Variants in IGF2R observed in about 807,000 individuals in gnomAD.
IGF2R encodes the protein insulin like growth factor 2 receptor, also known as cation-independent mannose-6-phosphate receptor.
A neutral mutation model predicts 270.6 loss-of-function variants in IGF2R; 91 were observed. That is an observed-to-expected ratio of 0.34 (90% CI 0.28 to 0.40). The LOEUF is 0.40. Among genes scored for constraint, IGF2R ranks in the 10% least tolerant of loss-of-function variants. The pLI is 1.00. For synonymous variants in IGF2R, 1,316 were observed against 1,258.9 expected, an observed-to-expected ratio of 1.05 and a Z score of -0.96; for missense variants, 2,805 against 3,188.3, an observed-to-expected ratio of 0.88 and a Z score of 2.90.
chr6:160,069,740 G>T, intron 30 of IGF2R, 128 bp from the exon 31 acceptor site: 1 of 750,834 alleles, frequency 1.3e-6, no homozygotes, highest in East Asian at 2.7e-5. Flanking sequence ...GAAATAGCAG[G>T]TATTTTGAAG....
intron 10 of IGF2R, among the ~76,000 whole-genome samples, chr6:160,038,039 A>G (rs747245313): frequency 1.6e-4 from 25 of 152,186 alleles, no homozygotes; most frequent in African/African-American, 5.8e-4. Context: ...GGTAAGAGGT[A>G]GCATTGTTTT....
intron 1 of IGF2R, among the ~76,000 whole-genome samples, chr6:159,977,881 C>T (rs938221315): frequency 6.7e-6 from 1 of 150,276 alleles, no homozygotes; most frequent in African/African-American, 2.5e-5. Flanking sequence ...GTAGGCTAGG[C>T]GTGGGATGCT....
At chr6:159,997,706 C>G (rs1415094498) in intron 2 of IGF2R, among the ~76,000 whole-genome samples, 1 of 152,184 alleles carries the variant, frequency 6.6e-6, no homozygotes, top group Non-Finnish European at 1.5e-5. Flanking sequence ...CCACCAGGCT[C>G]CAGTGCTCTC....
At chr6:160,041,228 G>A (rs1366013334) in intron 11 of IGF2R, among the ~76,000 whole-genome samples, 1 of 151,536 alleles carries the variant, frequency 6.6e-6, no homozygotes, top group African/African-American at 2.4e-5. Flanking sequence ...ATAAGAATGG[G>A]AGTCTCAAGC....
chr6:160,073,182 G>A, intron 33 of IGF2R, 31 bp from the exon 34 acceptor site: 1 of 1,604,498 alleles, frequency 6.2e-7, no homozygotes, highest in Non-Finnish European at 8.5e-7. Context: ...GTCTGTGATT[G>A]TGTTTTCTCC....
chr6:160,089,929 T>C lies in IGF2R; in HGVS notation c.6481T>C (p.Ser2161Pro), dbSNP rs1398597631. The stretch of plus-strand genomic sequence containing the variant: ...CTGTCTCTTCAGGCTGTTCAGAGCC[T>C]CTGGGGACATGAGGACCAATGGGGA... Reference protein sequence around the residue: ...GDIYFKLFRASGDMRTNGDNY... With the variant: ...GDIYFKLFRAPGDMRTNGDNY... The change falls in exon 44 of 48, where the codon TCT becomes CCT. Residue 2161 changes from serine (S) to proline (P), a missense_variant. This residue lies in a region of IGF2R where 1,851 missense variants were observed against 2,207.2 expected (regional missense o/e 0.84). Coordinates refer to ENST00000356956, the MANE Select transcript of IGF2R (RefSeq NM_000876.4). 1 of 1,585,452 alleles carries C rather than the reference T, an allele frequency of 6.3e-7. No individual in the cohort carries two copies. The highest frequency in any genetic ancestry group is 1.8e-5 in the Admixed American group (1 of 54,782).
At chr6:160,025,734 A>AT (rs373839504) in intron 5 of IGF2R, among the ~76,000 whole-genome samples, 2 of 152,170 alleles carry the variant, frequency 1.3e-5, no homozygotes, top group East Asian at 3.9e-4. Context: ...ACCTTTATTG[A>AT]TTTTTTGGAA....
chr6:159,977,280 T>G (rs1783709410), intron 1 of IGF2R, among the ~76,000 whole-genome samples: 1 of 152,236 alleles, frequency 6.6e-6, no homozygotes. Context: ...GCCCTTGCAG[T>G]GACAGGTGAC....
chr6:160,068,042 T>C (rs944604586), intron 29 of IGF2R, among the ~76,000 whole-genome samples: 5 of 150,548 alleles, frequency 3.3e-5, no homozygotes, highest in African/African-American at 9.8e-5. Context: ...AGGGAAGTTA[T>C]GTTGTTGCTG....
At position 160,053,754 on chromosome 6, in the gene IGF2R, G is replaced by A. The variant is rs543509794; in HGVS notation, c.2695-2670G>A. On this transcript the variant is annotated intron_variant, in intron 19 of 47. Transcript: ENST00000356956. ...GTCTTGCTGTGTCACCCAGGCTAGC[G>A]TGTAGTGGGTGTAATCATTGCTCAC... Among the ~76,000 whole-genome samples the A allele has an allele frequency of 5.9e-5, 9 of 152,288 alleles. No individual in the cohort carries two copies. In the East Asian group the frequency reaches 7.7e-4, roughly 13 times the overall value.
Position 160,060,482 on chromosome 6 carries a change from G to A in IGF2R, c.3092-65G>A, listed in dbSNP as rs1317129538. 2.0e-6 allele frequency: 3 copies of A among 1,534,754 alleles called. No homozygotes were observed. The Admixed American group carries it at 5.1e-5, about 26-fold the overall frequency. ...GGCAGCCTTGTCCTGTTGCTGCACT[G>A]TGCTTGTGGGCTGCGCCATGAATAC... On this transcript the variant is annotated intron_variant, in intron 22 of 47. Coordinates refer to ENST00000356956, the MANE Select transcript of IGF2R (RefSeq NM_000876.4).
chr6:160,078,124 T>A, intron 36 of IGF2R, 77 bp from the exon 37 acceptor site: 1 of 1,454,878 alleles, frequency 6.9e-7, no homozygotes, highest in South Asian at 1.2e-5. Context: ...GCACAGCCCC[T>A]GTAGGGACGT....
intron 1 of IGF2R, among the ~76,000 whole-genome samples, chr6:159,971,081 A>AAAAT (rs1300669485): frequency 6.6e-6 from 1 of 152,226 alleles, no homozygotes; most frequent in Non-Finnish European, 1.5e-5. Context: ...CCCTGTCTCA[A>AAAAT]AAATAAATAA....
At chr6:159,970,847 G>A (rs553921661) in intron 1 of IGF2R, among the ~76,000 whole-genome samples, 1 of 152,056 alleles carries the variant, frequency 6.6e-6, no homozygotes, top group African/African-American at 2.4e-5. Flanking sequence ...GAAGGCCGAG[G>A]TGGGCGGGTC....
chr6:160,097,813 C>A (rs1050845824), intron 45 of IGF2R, among the ~76,000 whole-genome samples: 1 of 152,158 alleles, frequency 6.6e-6, no homozygotes, highest in Non-Finnish European at 1.5e-5. Flanking sequence ...TAAATCAGCA[C>A]TCCCCCTGCC....
chr6:160,049,684 G>T (rs1005566576), intron 18 of IGF2R, among the ~76,000 whole-genome samples: 2 of 152,206 alleles, frequency 1.3e-5, no homozygotes, highest in African/African-American at 4.8e-5. Flanking sequence ...TGTTCGGAAA[G>T]TTTAGCGGGG....
chr6:160,074,457 T>G (rs1218395766), intron 35 of IGF2R, among the ~76,000 whole-genome samples: 1 of 152,250 alleles, frequency 6.6e-6, no homozygotes. Flanking sequence ...ATTAAAAAAT[T>G]ATTTTGTAGA....
At chr6:160,064,298 T>C in intron 27 of IGF2R, 103 bp from the exon 28 acceptor site, 1 of 1,328,296 alleles carries the variant, frequency 7.5e-7, no homozygotes, top group Non-Finnish European at 1.1e-6. Flanking sequence ...CAGGGATACT[T>C]TGTCTCACAC....
At chr6:160,079,884 T>C in intron 38 of IGF2R, 97 bp downstream of exon 38, 1 of 1,165,936 alleles carries the variant, frequency 8.6e-7, no homozygotes, top group Non-Finnish European at 1.2e-6. Flanking sequence ...AGCTCCACGG[T>C]CCTATGAGTG....
Sources: allele counts gnomAD v4.1 joint callset (sites outside exome capture counted in the v4.1 genomes callset), GRCh38; gene constraint gnomAD v4.1.1; regional missense constraint gnomAD v4.1.1; transcripts MANE v1.5; gene names NCBI Gene and HGNC (gene_info 2026-07-23, HGNC 2026-07-21).